The following SEMA6D variants were observed in gnomAD, a reference collection of about 807,000 sequenced individuals.
SEMA6D encodes semaphorin-6D.
A neutral mutation model predicts 106.6 loss-of-function variants in SEMA6D; 35 were observed. That is an observed-to-expected ratio of 0.33 (90% CI 0.25 to 0.44). SEMA6D has a LOEUF of 0.44. Among genes scored for constraint, SEMA6D ranks in the 20% least tolerant of loss-of-function variants. The probability of loss-of-function intolerance (pLI) is 1.00; values close to 1 mark genes in which losing one functional copy is unlikely to be tolerated. For missense variants in SEMA6D, 1,185 were observed against 1,345.9 expected, an observed-to-expected ratio of 0.88 and a Z score of 1.87; for synonymous variants, 499 against 487.7, an observed-to-expected ratio of 1.02 and a Z score of -0.31.
intron 1 of SEMA6D, among the ~76,000 whole-genome samples, chr15:47,284,401 T>A (rs2035267397): frequency 6.6e-6 from 1 of 152,202 alleles, no homozygotes; most frequent in African/African-American, 2.4e-5. Flanking sequence ...TCTTAACCAC[T>A]AACATAAGTT....
chr15:47,738,037 T>TA (rs112044411), intron 1 of SEMA6D, among the ~76,000 whole-genome samples: 18,371 of 143,996 alleles, frequency 0.13, 3,626 homozygotes, highest in African/African-American at 0.42. Context: ...CTGATAAACT[T>TA]AAAAAAAAAA....
At chr15:47,249,868 C>G (rs771023239) in intron 1 of SEMA6D, among the ~76,000 whole-genome samples, 1 of 152,200 alleles carries the variant, frequency 6.6e-6, no homozygotes, top group Non-Finnish European at 1.5e-5. Context: ...CCACTTCCCA[C>G]ATTTCCAGAC....
At chr15:47,633,206 C>T (rs1339128499) in intron 4 of SEMA6D, among the ~76,000 whole-genome samples, 1 of 152,086 alleles carries the variant, frequency 6.6e-6, no homozygotes, top group Non-Finnish European at 1.5e-5. Flanking sequence ...GTTATATTTA[C>T]TCCCATTCCA....
intron 3 of SEMA6D, among the ~76,000 whole-genome samples, chr15:47,485,587 A>G (rs1304240677): frequency 6.6e-6 from 1 of 152,202 alleles, no homozygotes; most frequent in Non-Finnish European, 1.5e-5. Context: ...TATATTATAT[A>G]TCCAGCTTTC....
chr15:47,467,082 A>AT lies in SEMA6D; in HGVS notation c.-158-3389dup, dbSNP rs1192889646. The stretch of plus-strand genomic sequence containing the variant: ...CACCTTTTTCATAATGGTTGTACCA[A>AT]TTTAAAATTCCACTAACAGTATATA... On this transcript the variant is annotated intron_variant, in intron 2 of 19. Transcript: ENST00000558014. Among the ~76,000 whole-genome samples, 4 of 152,132 alleles carry AT rather than the reference A, an allele frequency of 2.6e-5. No homozygotes were observed. The East Asian group carries it at 7.7e-4, about 29-fold the overall frequency.
At chr15:47,336,794 C>T (rs933167750) in intron 1 of SEMA6D, among the ~76,000 whole-genome samples, 2 of 152,154 alleles carry the variant, frequency 1.3e-5, no homozygotes, top group Non-Finnish European at 2.9e-5. Flanking sequence ...GACATTTGGA[C>T]AGTGCACCAT....
intron 2 of SEMA6D, among the ~76,000 whole-genome samples, chr15:47,456,088 C>G (rs980162132): frequency 2.0e-5 from 3 of 151,888 alleles, no homozygotes; most frequent in Non-Finnish European, 4.4e-5. Context: ...CCCACTTAAT[C>G]TTATTGTTCT....
chr15:47,264,236 G>A (rs942678916), intron 1 of SEMA6D, among the ~76,000 whole-genome samples: 1 of 151,954 alleles, frequency 6.6e-6, no homozygotes, highest in African/African-American at 2.4e-5. Flanking sequence ...ATAATTAATG[G>A]ATCCTAGGCT....
At position 47,587,074 on chromosome 15, in the gene SEMA6D, G is replaced by T. The variant is rs186060413; in HGVS notation, c.-86-13791G>T. On this transcript the variant is annotated intron_variant, in intron 3 of 19. Transcript: ENST00000558014. ...GTATAGGAGCAGCAGACGGGAAGAA[G>T]GAGCTTCAGCATTCGTTGATGGGCC... Among the ~76,000 whole-genome samples the T allele has an allele frequency of 2.6e-4, 39 of 152,244 alleles. No homozygotes were observed. In the East Asian group the frequency reaches 7.2e-3, roughly 28 times the overall value.
chr15:47,567,252 G>A (rs949891651), intron 3 of SEMA6D, among the ~76,000 whole-genome samples: 2 of 152,146 alleles, frequency 1.3e-5, no homozygotes, highest in Non-Finnish European at 2.9e-5. Context: ...CAAAAAGGAT[G>A]TGAAATTTTA....
In SEMA6D at chr15:47,267,519, T is replaced by C. The variant is rs558811884; in HGVS notation, c.-239+83101T>C. On this transcript the variant is annotated intron_variant, in intron 1 of 19. Coordinates refer to the SEMA6D transcript ENST00000558014. ...ATATGTCTCTGAATGTATTTTCTGA[T>C]CTACTTATGGGATTCTTTAATTTTT... Among the ~76,000 whole-genome samples the C allele has an allele frequency of 5.3e-5, 8 of 152,268 alleles. No individual in the cohort carries two copies. In the East Asian group the frequency reaches 9.7e-4, roughly 18 times the overall value.
At chr15:47,742,826 C>T (rs986085407) in intron 1 of SEMA6D, among the ~76,000 whole-genome samples, 2 of 152,068 alleles carry the variant, frequency 1.3e-5, no homozygotes, top group African/African-American at 2.4e-5. Context: ...TACAAAGGAC[C>T]CCACACCCTC....
At chr15:47,509,939 G>A (rs2044174100) in intron 3 of SEMA6D, among the ~76,000 whole-genome samples, 1 of 152,186 alleles carries the variant, frequency 6.6e-6, no homozygotes, top group African/African-American at 2.4e-5. Context: ...CATTTAAAAT[G>A]TATTGCTCTC....
intron 2 of SEMA6D, 65 bp from the exon 3 acceptor site, chr15:47,760,239 A>G (rs976406814): frequency 1.4e-5 from 16 of 1,112,124 alleles, no homozygotes; most frequent in East Asian, 7.1e-5. Context: ...CAGCTAATCA[A>G]TGCTGTTTAT....
chr15:47,207,497 A>T (rs1895153108), intron 1 of SEMA6D, among the ~76,000 whole-genome samples: 1 of 152,214 alleles, frequency 6.6e-6, no homozygotes, highest in African/African-American at 2.4e-5. Flanking sequence ...CCTAGACAGT[A>T]AATATTAACT....
intron 3 of SEMA6D, among the ~76,000 whole-genome samples, chr15:47,553,488 T>A (rs938498473): frequency 2.0e-5 from 3 of 152,164 alleles, no homozygotes; most frequent in Non-Finnish European, 2.9e-5. Context: ...CATATTTTAT[T>A]CCTGCTAATA....
chr15:47,314,669 T>A (rs7183717), intron 1 of SEMA6D, among the ~76,000 whole-genome samples: 1 of 146,480 alleles, frequency 6.8e-6, no homozygotes, highest in East Asian at 2.0e-4. Flanking sequence ...AATCAGATAC[T>A]TCTTTTGCAA....
intron 4 of SEMA6D, among the ~76,000 whole-genome samples, chr15:47,631,688 T>C (rs1160927776): frequency 1.3e-5 from 2 of 151,846 alleles, no homozygotes; most frequent in African/African-American, 4.8e-5. Flanking sequence ...ATCAAGGAAA[T>C]AGGTCTTTCC....
At position 47,761,344 on chromosome 15, in the gene SEMA6D, C is replaced by T. The variant is rs769296658; in HGVS notation, c.360C>T (p.Asn120=). ...ACTTTCTTTAGGATGAATGCCACAA[C>T]TTTATCAAAGTATTTGTTCCAAGAA... ...MKGKHKDECH[N]FIKVFVPRND... Residue 120 remains asparagine (N), a synonymous_variant, in exon 6 of 19, where the codon AAC becomes AAT. Transcript: ENST00000536845. 2 of 1,612,774 alleles carry T rather than the reference C, an allele frequency of 1.2e-6. No individual in the cohort carries two copies. The highest frequency in any genetic ancestry group is 2.7e-5 in the African/African-American group (2 of 74,890).
Sources: gnomAD v4.1 joint callset for allele counts (sites outside exome capture counted in the v4.1 genomes callset) on GRCh38, gnomAD v4.1.1 for gene constraint, MANE v1.5 for transcripts, NCBI Gene and HGNC (gene_info 2026-07-23, HGNC 2026-07-21) for gene names.